Variants in SLTM observed in about 807,000 individuals in gnomAD.
SLTM encodes SAFB-like transcription modulator.
A neutral mutation model predicts 134.6 loss-of-function variants in SLTM; 43 were observed. That is an observed-to-expected ratio of 0.32 (90% CI 0.25 to 0.41). The LOEUF is 0.41. SLTM is among the 10% of genes least tolerant of loss of function. SLTM has a pLI of 1.00. For missense variants in SLTM, 1,055 were observed against 1,288.8 expected, an observed-to-expected ratio of 0.82 and a Z score of 2.78; for synonymous variants, 424 against 432.3, an observed-to-expected ratio of 0.98 and a Z score of 0.24.
chr15:58,911,821 T>C lies in SLTM; in HGVS notation c.561+742A>G, dbSNP rs376277862. 4.6e-5 allele frequency among the ~76,000 whole-genome samples: 7 copies of C among 152,194 alleles called. No homozygotes were observed. In the East Asian group the frequency reaches 1.3e-3, roughly 29 times the overall value. ...TACACACACACCCCAAGTAAATTTCTAGAAATTTTTAATCATTTTTAGACT... is the reference window on the plus strand; with the variant it reads ...TACACACACACCCCAAGTAAATTTCCAGAAATTTTTAATCATTTTTAGACT... On this transcript the variant is annotated intron_variant, in intron 5 of 20. Transcript: ENST00000380516.
intron 5 of SLTM, among the ~76,000 whole-genome samples, chr15:58,910,389 T>C (rs2036176609): frequency 6.6e-6 from 1 of 152,218 alleles, no homozygotes; most frequent in African/African-American, 2.4e-5. Context: ...CTAGACATTA[T>C]TTAGAAAGAG....
intron 13 of SLTM, 74 bp downstream of exon 13, chr15:58,893,205 G>T: frequency 6.9e-7 from 1 of 1,453,828 alleles, no homozygotes; most frequent in Non-Finnish European, 9.5e-7. Flanking sequence ...CGCAAAGATG[G>T]TTATGGAAAA....
At chr15:58,905,602 C>A (rs1184474302) in intron 5 of SLTM, among the ~76,000 whole-genome samples, 2 of 151,958 alleles carry the variant, frequency 1.3e-5, no homozygotes, top group African/African-American at 4.8e-5. Context: ...TTTGACTCCC[C>A]TTATCTACCT....
chr15:58,925,920 G>A (rs1438914251), intron 2 of SLTM, among the ~76,000 whole-genome samples: 1 of 152,180 alleles, frequency 6.6e-6, no homozygotes, highest in African/African-American at 2.4e-5. Flanking sequence ...ATAAAGCAAT[G>A]TAGAAGTTTT....
At chr15:58,916,254 C>CT (rs1316622803) in intron 3 of SLTM, among the ~76,000 whole-genome samples, 10 of 150,916 alleles carry the variant, frequency 6.6e-5, no homozygotes, top group African/African-American at 2.4e-4. Flanking sequence ...GCTCACTGCA[C>CT]CCTCCACCTC....
At position 58,901,049 on chromosome 15, in the gene SLTM, A is replaced by G. The variant is rs927128727; in HGVS notation, c.589+211T>C. 48 of 523,014 alleles carry G rather than the reference A, an allele frequency of 9.2e-5. 1 individual carries two copies. In the East Asian group the frequency reaches 1.7e-3, roughly 18 times the overall value. The allele number at this position is 523,014 out of a possible 1,614,324, so 32.4% of individuals were successfully genotyped here. A position where few individuals can be genotyped will look rare whatever the true frequency, so the allele number is the denominator to read the frequency against. On this transcript the variant is annotated intron_variant, in intron 6 of 20. Transcript: ENST00000380516. ...AGCATTGTTCACTACAGTAACTGAT[A>G]TGTACTATTAAGTTGCAATATATCT... is the stretch of plus-strand genomic sequence containing the variant.
chr15:58,920,910 G>T (rs1284875872), intron 2 of SLTM, among the ~76,000 whole-genome samples: 1 of 152,042 alleles, frequency 6.6e-6, no homozygotes, highest in Non-Finnish European at 1.5e-5. Context: ...AGCCGAGATT[G>T]CACCAGTGCA....
chr15:58,917,137 C>T (rs1475027769), intron 2 of SLTM, 138 bp from the exon 3 acceptor site: 2 of 703,624 alleles, frequency 2.8e-6, no homozygotes, highest in East Asian at 2.8e-5. Context: ...TCTAAACCAC[C>T]TGCTCAGAGC....
chr15:58,911,910 A>G (rs2036298910), intron 5 of SLTM, among the ~76,000 whole-genome samples: 1 of 152,146 alleles, frequency 6.6e-6, no homozygotes, highest in South Asian at 2.1e-4. Context: ...GGATATTAGT[A>G]CTTTTAAATG....
intron 2 of SLTM, among the ~76,000 whole-genome samples, chr15:58,918,723 TATA>T (rs1336031626): frequency 6.6e-6 from 1 of 152,220 alleles, no homozygotes; most frequent in Non-Finnish European, 1.5e-5. Flanking sequence ...ATGCTTTGCA[TATA>T]ATTTTATAAT....
intron 15 of SLTM, 90 bp downstream of exon 15, chr15:58,890,191 C>A: frequency 6.8e-7 from 1 of 1,471,402 alleles, no homozygotes; most frequent in South Asian, 1.3e-5. Context: ...TCTATAGACG[C>A]TTTACAACAA....
intron 20 of SLTM, among the ~76,000 whole-genome samples, chr15:58,880,859 C>A (rs1420956235): frequency 6.6e-6 from 1 of 152,164 alleles, no homozygotes; most frequent in Non-Finnish European, 1.5e-5. Context: ...AGCCACCACG[C>A]CCGGCCAACC....
At chr15:58,897,094 A>T (rs747986823) in intron 9 of SLTM, 21 bp downstream of exon 9, 6 of 1,389,384 alleles carry the variant, frequency 4.3e-6, no homozygotes, top group Non-Finnish European at 6.1e-6. Context: ...AAAGACAGAT[A>T]AAAAGGTAAA....
chr15:58,921,609 G>C (rs1389076282), intron 2 of SLTM: 4 of 438,268 alleles, frequency 9.1e-6, no homozygotes, highest in Non-Finnish European at 1.4e-5. Flanking sequence ...GGACAAGATT[G>C]TCAAACAGTG....
At chr15:58,896,678 C>T (rs1003791773) in intron 9 of SLTM, among the ~76,000 whole-genome samples, 1 of 151,952 alleles carries the variant, frequency 6.6e-6, no homozygotes, top group Non-Finnish European at 1.5e-5. Flanking sequence ...TATTTTTCTC[C>T]ATTACTGGAC....
chr15:58,913,416 C>T (rs2036416887), intron 4 of SLTM, 83 bp downstream of exon 4: 1 of 1,173,428 alleles, frequency 8.5e-7, no homozygotes, highest in Non-Finnish European at 1.2e-6. Context: ...CTGAGACTTC[C>T]AAATTGAACT....
intron 2 of SLTM, among the ~76,000 whole-genome samples, chr15:58,920,330 A>AT (rs1455977620): frequency 3.9e-5 from 6 of 152,092 alleles, no homozygotes; most frequent in Admixed American, 3.9e-4. Context: ...TGAAAGTAAA[A>AT]TAAATAAATA....
At chr15:58,920,308 G>A (rs543380756) in intron 2 of SLTM, among the ~76,000 whole-genome samples, 40 of 151,900 alleles carry the variant, frequency 2.6e-4, no homozygotes, top group South Asian at 8.3e-4. Flanking sequence ...GAGACAGAGC[G>A]ACACTCTGTC....
At chr15:58,924,735 C>T (rs1009758773) in intron 2 of SLTM, among the ~76,000 whole-genome samples, 5 of 152,176 alleles carry the variant, frequency 3.3e-5, no homozygotes, top group Non-Finnish European at 5.9e-5. Flanking sequence ...CCTTTTCCTC[C>T]AAAGGCAAAC....
Sources: gnomAD v4.1 joint callset for allele counts (sites outside exome capture counted in the v4.1 genomes callset) on GRCh38, gnomAD v4.1.1 for gene constraint, MANE v1.5 for transcripts, NCBI Gene and HGNC (gene_info 2026-07-23, HGNC 2026-07-21) for gene names.